The following UXS1 variants were observed in gnomAD, a reference collection of about 807,000 sequenced individuals.
UXS1 encodes UDP-glucuronic acid decarboxylase 1.
In UXS1, 33 loss-of-function variants were observed where a neutral mutation model predicts 62.6. The observed-to-expected ratio is 0.53, with a 90% CI of 0.40 to 0.70. The LOEUF is 0.70. Among genes scored for constraint, UXS1 ranks in the 30% least tolerant of loss-of-function variants. The pLI is 0.00. For missense variants in UXS1, 434 were observed against 556.3 expected, an observed-to-expected ratio of 0.78 and a Z score of 2.21; for synonymous variants, 213 against 206.8, an observed-to-expected ratio of 1.03 and a Z score of -0.26.
At chr2:106,177,113 G>C (rs1020352817) in intron 1 of UXS1, among the ~76,000 whole-genome samples, 7 of 151,678 alleles carry the variant, frequency 4.6e-5, no homozygotes, top group Non-Finnish European at 5.9e-5. Flanking sequence ...CCAACGTTAA[G>C]TAAAAAGGAC....
intron 4 of UXS1, chr2:106,160,249 T>C (rs539239932): frequency 1.3e-5 from 2 of 152,400 alleles, no homozygotes; most frequent in Non-Finnish European, 2.9e-5. Flanking sequence ...ACCGCTCCAA[T>C]TGTCCTCATT....
At chr2:106,174,683 C>T (rs1683767830) in intron 1 of UXS1, among the ~76,000 whole-genome samples, 1 of 152,224 alleles carries the variant, frequency 6.6e-6, no homozygotes, top group Non-Finnish European at 1.5e-5. Flanking sequence ...AACCAAGGCA[C>T]GTGCCCAGTA....
At position 106,122,957 on chromosome 2, in the gene UXS1, C is replaced by A. The variant is rs1558697757; in HGVS notation, c.759+13G>T. On this transcript the variant is annotated intron_variant, in intron 9 of 14. Transcript: ENST00000283148. ...GCACGCCTAAACCGCAAGCCTAGACCCTGGTGAAATACCTGCTTCATGTAG... is the reference window on the plus strand; with the variant it reads ...GCACGCCTAAACCGCAAGCCTAGACACTGGTGAAATACCTGCTTCATGTAG... 2 of 1,613,278 alleles carry A rather than the reference C, an allele frequency of 1.2e-6. No individual in the cohort carries two copies. Among genetic ancestry groups the A allele is most frequent in the East Asian group, 4.5e-5 (2 of 44,852 alleles).
intron 5 of UXS1, among the ~76,000 whole-genome samples, chr2:106,145,969 A>G (rs976385787): frequency 6.6e-6 from 1 of 152,230 alleles, no homozygotes; most frequent in Admixed American, 6.5e-5. Flanking sequence ...TGGTGATGTG[A>G]ACCCAGTGTG....
rs577520023 is a variant in UXS1 at position 106,126,666 on chromosome 2, T to G, written c.578-987A>C. The stretch of plus-strand genomic sequence containing the variant: ...GAGATCTTTTTCTTCCTGATTAAAT[T>G]TTTTGAGATATTTGTACATTCAAAT... On this transcript the variant is annotated intron_variant, in intron 7 of 14. Transcript: ENST00000283148. 2.0e-5 allele frequency among the ~76,000 whole-genome samples: 3 copies of G among 152,290 alleles called. No homozygotes were observed. The South Asian group carries it at 6.2e-4, about 32-fold the overall frequency.
intron 9 of UXS1, among the ~76,000 whole-genome samples, chr2:106,116,689 G>A (rs1277023189): frequency 6.6e-6 from 1 of 152,224 alleles, no homozygotes; most frequent in Non-Finnish European, 1.5e-5. Context: ...TACTAGGTAT[G>A]GTTTGCAGTA....
chr2:106,191,495 T>C (rs543716920), intron 1 of UXS1, among the ~76,000 whole-genome samples: 31 of 152,348 alleles, frequency 2.0e-4, no homozygotes, highest in African/African-American at 5.8e-4. Context: ...TTAGCATACC[T>C]GCTCCTTATT....
At chr2:106,109,368 C>T (rs754958697) in intron 10 of UXS1, among the ~76,000 whole-genome samples, 1 of 152,142 alleles carries the variant, frequency 6.6e-6, no homozygotes, top group Non-Finnish European at 1.5e-5. Flanking sequence ...AACATCATAC[C>T]AGCTTTGAAT....
chr2:106,139,715 C>G (rs924884406), intron 6 of UXS1, among the ~76,000 whole-genome samples: 2 of 152,184 alleles, frequency 1.3e-5, no homozygotes, highest in African/African-American at 4.8e-5. Context: ...GTGACATAGT[C>G]TGTGTCAAGC....
At chr2:106,109,057 T>C (rs1678354524) in intron 10 of UXS1, among the ~76,000 whole-genome samples, 1 of 152,120 alleles carries the variant, frequency 6.6e-6, no homozygotes, top group Non-Finnish European at 1.5e-5. Flanking sequence ...TTGGTTTAGC[T>C]AGAATCCGCC....
chr2:106,185,608 G>C (rs1684505492), intron 1 of UXS1, among the ~76,000 whole-genome samples: 1 of 152,192 alleles, frequency 6.6e-6, no homozygotes, highest in Non-Finnish European at 1.5e-5. Flanking sequence ...ATCACCATGA[G>C]TTTAACGGTG....
intron 4 of UXS1, among the ~76,000 whole-genome samples, chr2:106,159,693 C>T (rs1051338376): frequency 1.3e-5 from 2 of 152,182 alleles, no homozygotes; most frequent in East Asian, 3.8e-4. Flanking sequence ...GCACCGTCTC[C>T]ATCCCTGCCC....
intron 1 of UXS1, among the ~76,000 whole-genome samples, chr2:106,186,651 CA>C (rs935854092): frequency 3.3e-5 from 5 of 151,524 alleles, no homozygotes; most frequent in African/African-American, 1.2e-4. Context: ...TTAAACTAAA[CA>C]AAAAAAAATT....
intron 9 of UXS1, among the ~76,000 whole-genome samples, chr2:106,122,623 T>C (rs889111156): frequency 6.6e-6 from 1 of 152,212 alleles, no homozygotes; most frequent in Non-Finnish European, 1.5e-5. Context: ...TTTTACTTAA[T>C]TGATAGAAAA....
intron 1 of UXS1, among the ~76,000 whole-genome samples, chr2:106,182,650 G>A (rs1364320569): frequency 6.6e-6 from 1 of 152,154 alleles, no homozygotes; most frequent in African/African-American, 2.4e-5. Context: ...CACCACAGCT[G>A]TGCCCCAACC....
At chr2:106,107,694 G>T (rs546763348) in intron 10 of UXS1, among the ~76,000 whole-genome samples, 18 of 152,322 alleles carry the variant, frequency 1.2e-4, no homozygotes, top group African/African-American at 4.1e-4. Context: ...AGTCTGCTGG[G>T]TATTTCCCAC....
chr2:106,179,609 C>A (rs983910813), intron 1 of UXS1: 1 of 152,216 alleles, frequency 6.6e-6, no homozygotes, highest in African/African-American at 2.4e-5. Context: ...CTTTAAAGTT[C>A]TAAATATTGC....
intron 9 of UXS1, among the ~76,000 whole-genome samples, chr2:106,113,672 G>A (rs527430778): frequency 6.6e-6 from 1 of 152,178 alleles, no homozygotes; most frequent in African/African-American, 2.4e-5. Flanking sequence ...CAGTGTATAC[G>A]TATCTAATGT....
chr2:106,102,156 TC>T (rs1430762775), intron 11 of UXS1: 2 of 152,246 alleles, frequency 1.3e-5, no homozygotes, highest in Non-Finnish European at 2.9e-5. Context: ...TGTTCTATTC[TC>T]AAGGATCAAG....
Sources: gnomAD v4.1 joint callset for allele counts (sites outside exome capture counted in the v4.1 genomes callset) on GRCh38, gnomAD v4.1.1 for gene constraint, MANE v1.5 for transcripts, NCBI Gene and HGNC (gene_info 2026-07-23, HGNC 2026-07-21) for gene names.